Variants in NCOA1 observed in about 807,000 individuals in gnomAD.
NCOA1 encodes the protein nuclear receptor coactivator 1, also known as Hin-2 protein.
In NCOA1, 35 loss-of-function variants were observed where a neutral mutation model predicts 150.9. The observed-to-expected ratio is 0.23, with a 90% CI of 0.18 to 0.31. The LOEUF is 0.31. Ranked by LOEUF, NCOA1 falls within the 10% of genes least tolerant of loss-of-function variation. The pLI, the probability that NCOA1 is intolerant of heterozygous loss-of-function variation, is 1.00. For missense variants in NCOA1, 1,491 were observed against 1,749.3 expected (o/e 0.85, Z 2.63); for synonymous variants, 590 against 630.0 (o/e 0.94, Z 0.95).
At chr2:24,742,573 C>A (rs982591982) in intron 19 of NCOA1, among the ~76,000 whole-genome samples, 4 of 151,902 alleles carry the variant, frequency 2.6e-5, no homozygotes, top group South Asian at 2.1e-4. Flanking sequence ...TCTCCTGCCT[C>A]AGCCTCCCGA....
chr2:24,758,651 G>A (rs1319318378), intron 21 of NCOA1, among the ~76,000 whole-genome samples: 1 of 151,898 alleles, frequency 6.6e-6, no homozygotes, highest in African/African-American at 2.4e-5. Context: ...TTATAAATAA[G>A]ATTTCAGTTT....
chr2:24,496,575 T>G (rs1393243283), intron 1 of NCOA1, among the ~76,000 whole-genome samples: 1 of 152,202 alleles, frequency 6.6e-6, no homozygotes, highest in Non-Finnish European at 1.5e-5. Flanking sequence ...AAACTTCTCT[T>G]TCTCTCTCTT....
At chr2:24,535,306 G>T (rs1665085018) in intron 1 of NCOA1, among the ~76,000 whole-genome samples, 1 of 151,894 alleles carries the variant, frequency 6.6e-6, no homozygotes, top group Admixed American at 6.6e-5. Context: ...TTGCTTGGTA[G>T]ATCTTCCTCC....
intron 3 of NCOA1, among the ~76,000 whole-genome samples, chr2:24,635,474 T>A (rs769374330): frequency 6.6e-6 from 1 of 150,556 alleles, no homozygotes; most frequent in Non-Finnish European, 1.5e-5. Flanking sequence ...CACAAAAAAA[T>A]AAAAATAAAA....
intron 3 of NCOA1, among the ~76,000 whole-genome samples, chr2:24,603,784 T>C (rs1221981284): frequency 1.3e-5 from 2 of 152,246 alleles, no homozygotes; most frequent in Non-Finnish European, 2.9e-5. Context: ...GGAACCAATC[T>C]ATTCCAGGCT....
chr2:24,493,040 G>A (rs957007588), intron 1 of NCOA1, among the ~76,000 whole-genome samples: 2 of 151,930 alleles, frequency 1.3e-5, no homozygotes, highest in Non-Finnish European at 2.9e-5. Context: ...GTTGTAGGAA[G>A]GGGGTCGGAT....
chr2:24,499,211 T>C (rs1343893183), intron 1 of NCOA1, among the ~76,000 whole-genome samples: 1 of 152,192 alleles, frequency 6.6e-6, no homozygotes, highest in East Asian at 1.9e-4. Flanking sequence ...TGATTCTGCA[T>C]TTCTTTATTC....
chr2:24,762,301 A>G (rs749517771), intron 21 of NCOA1, among the ~76,000 whole-genome samples: 8 of 152,226 alleles, frequency 5.3e-5, no homozygotes, highest in Non-Finnish European at 1.2e-4. Flanking sequence ...GATCCCTGTT[A>G]CTAAATCTTG....
chr2:24,655,992 G>A lies in NCOA1; in HGVS notation c.-17-2669G>A, dbSNP rs567884135. Among the ~76,000 whole-genome samples, 822 of 151,714 alleles carry A rather than the reference G, an allele frequency of 5.4e-3. 13 individuals are homozygous for A. The highest frequency in any genetic ancestry group is 0.018 in the African/African-American group (764 of 41,308). On this transcript the variant is annotated intron_variant, in intron 4 of 22. Transcript: ENST00000348332. ...AGTCCCAGCTACTCGGGAGGCTGAG[G>A]CAGGAGAATGGCGTGAACCCGGGAG... is the stretch of plus-strand genomic sequence containing the variant.
chr2:24,639,919 T>TGC, intron 3 of NCOA1, among the ~76,000 whole-genome samples: 5 of 2,514 alleles, frequency 2.0e-3, no homozygotes, highest in African/African-American at 7.4e-3. Context: ...TGTGTGTGTA[T>TGC]ATATATATAT....
intron 1 of NCOA1, among the ~76,000 whole-genome samples, chr2:24,496,630 C>T (rs1283637319): frequency 6.6e-6 from 1 of 151,976 alleles, no homozygotes; most frequent in Non-Finnish European, 1.5e-5. Context: ...GATTGGTTTT[C>T]CTAAACAGAT....
rs548891717 is a variant in NCOA1, at chr2:24,495,494, T to C, written c.-396+3892T>C. Among the ~76,000 whole-genome samples, 5 of 152,204 alleles carry C rather than the reference T, an allele frequency of 3.3e-5. No homozygotes were observed. The East Asian group carries it at 9.7e-4, about 29-fold the overall frequency. On this transcript the variant is annotated intron_variant, in intron 1 of 22. Coordinates refer to ENST00000348332, the MANE Select transcript of NCOA1 (RefSeq NM_003743.5). The stretch of plus-strand genomic sequence containing the variant: ...TTCTTACCACTCCCCGAGAGTATGT[T>C]TTAGTGTGTGGAGGGCAGGGATGTT...
At chr2:24,692,902 C>A (rs1672730452) in intron 9 of NCOA1, among the ~76,000 whole-genome samples, 1 of 152,204 alleles carries the variant, frequency 6.6e-6, no homozygotes, top group African/African-American at 2.4e-5. Flanking sequence ...GCTCTGTGGC[C>A]CAGGCTGGAC....
chr2:24,590,176 C>T (rs1037861992), intron 3 of NCOA1, among the ~76,000 whole-genome samples: 1 of 152,046 alleles, frequency 6.6e-6, no homozygotes, highest in Non-Finnish European at 1.5e-5. Context: ...ATTTCTTTCT[C>T]TTTTCATTTT....
chr2:24,649,217 C>T (rs1025318387), intron 4 of NCOA1, among the ~76,000 whole-genome samples: 1 of 152,156 alleles, frequency 6.6e-6, no homozygotes, highest in Admixed American at 6.5e-5. Flanking sequence ...ACACATGTTA[C>T]TGCACCCAGC....
intron 1 of NCOA1, among the ~76,000 whole-genome samples, chr2:24,516,104 T>G (rs1367258441): frequency 6.6e-6 from 1 of 151,964 alleles, no homozygotes; most frequent in Non-Finnish European, 1.5e-5. Context: ...AGCCTTGCTC[T>G]GCATGTTATA....
intron 2 of NCOA1, among the ~76,000 whole-genome samples, chr2:24,573,737 C>G (rs1427220782): frequency 6.6e-6 from 1 of 151,942 alleles, no homozygotes; most frequent in African/African-American, 2.4e-5. Flanking sequence ...CTGACTGCAG[C>G]AGAAATTTAA....
intron 22 of NCOA1, among the ~76,000 whole-genome samples, chr2:24,766,489 C>T (rs896912418): frequency 6.6e-6 from 1 of 151,902 alleles, no homozygotes; most frequent in Admixed American, 6.6e-5. Flanking sequence ...ATTTACCAGA[C>T]GGCAGCTGGG....
At chr2:24,559,454 A>G (rs376520265) in intron 1 of NCOA1, among the ~76,000 whole-genome samples, 5 of 152,054 alleles carry the variant, frequency 3.3e-5, no homozygotes, top group African/African-American at 4.8e-5. Flanking sequence ...AGAAGTACCA[A>G]TATTTCTCCT....
Sources: allele counts gnomAD v4.1 joint callset (sites outside exome capture counted in the v4.1 genomes callset), GRCh38; gene constraint gnomAD v4.1.1; transcripts MANE v1.5; gene names NCBI Gene and HGNC (gene_info 2026-07-23, HGNC 2026-07-21).